Variants in GNAQ observed in about 807,000 individuals in gnomAD.
GNAQ encodes guanine nucleotide-binding protein G(q) subunit alpha.
Under a neutral mutation model 43.9 loss-of-function variants are expected in GNAQ, and 8 were observed. The ratio of observed to expected loss-of-function variants is 0.18; its 90% CI spans 0.11 to 0.33. The LOEUF (loss-of-function observed/expected upper bound fraction) is 0.33, where lower values mean the gene tolerates loss of function less well. Among genes scored for constraint, GNAQ ranks in the 10% least tolerant of loss-of-function variants. The pLI is 1.00. For synonymous variants in GNAQ, 155 were observed against 170.7 expected (o/e 0.91, Z 0.71); for missense variants, 158 against 450.8 (o/e 0.35, Z 5.88).
chr9:77,925,986 T>C (rs1225039283), intron 1 of GNAQ, among the ~76,000 whole-genome samples: 1 of 152,232 alleles, frequency 6.6e-6, no homozygotes, highest in East Asian at 1.9e-4. Flanking sequence ...TACTGTATTG[T>C]CATTTGTATT....
chr9:77,962,892 C>CAAAAAA (rs538653191), intron 1 of GNAQ, among the ~76,000 whole-genome samples: 1 of 55,238 alleles, frequency 1.8e-5, no homozygotes, highest in Non-Finnish European at 3.7e-5. Context: ...AACTTAGTCT[C>CAAAAAA]AAAAAAAAAA....
At chr9:77,747,316 C>T (rs1376052193) in intron 5 of GNAQ, among the ~76,000 whole-genome samples, 1 of 152,104 alleles carries the variant, frequency 6.6e-6, no homozygotes, top group East Asian at 1.9e-4. Context: ...GGGAGTGACT[C>T]ATGGTGCAGA....
intron 3 of GNAQ, among the ~76,000 whole-genome samples, chr9:77,805,687 A>G (rs928912075): frequency 6.6e-6 from 1 of 152,198 alleles, no homozygotes; most frequent in African/African-American, 2.4e-5. Context: ...TACAGGCATG[A>G]GCCACCGCAC....
intron 2 of GNAQ, among the ~76,000 whole-genome samples, chr9:77,835,984 G>T (rs1385907377): frequency 6.6e-6 from 1 of 152,062 alleles, no homozygotes; most frequent in Admixed American, 6.6e-5. Flanking sequence ...CTAGTAAGAT[G>T]ATTTTAAGAT....
In GNAQ at chr9:77,793,268, T is replaced by C. The variant is rs1016241123; in HGVS notation, c.735+1195A>G. Among the ~76,000 whole-genome samples the C allele has an allele frequency of 7.9e-5, 12 of 152,246 alleles. 1 individual carries two copies. Among genetic ancestry groups the C allele is most frequent in the Middle Eastern group, 3.4e-3 (1 of 294 alleles). On this transcript the variant is annotated intron_variant, in intron 5 of 6. Coordinates refer to ENST00000286548, the MANE Select transcript of GNAQ (RefSeq NM_002072.5). The stretch of plus-strand genomic sequence containing the variant: ...CTTTAGAGTTATTGGGGGCAACTGA[T>C]TGATAAACAAGCCTCATTCTTAAAC...
intron 1 of GNAQ, among the ~76,000 whole-genome samples, chr9:77,957,295 G>A (rs1309174418): frequency 6.6e-6 from 1 of 152,052 alleles, no homozygotes; most frequent in African/African-American, 2.4e-5. Flanking sequence ...GGTGGAAGTT[G>A]CAGTGAGCTG....
chr9:77,765,154 A>G (rs1210382927), intron 5 of GNAQ, among the ~76,000 whole-genome samples: 1 of 152,136 alleles, frequency 6.6e-6, no homozygotes, highest in Non-Finnish European at 1.5e-5. Context: ...GCTGTAAAGA[A>G]CTTATTTAAA....
chr9:77,936,843 CT>C (rs1829240004), intron 1 of GNAQ, among the ~76,000 whole-genome samples: 1 of 151,936 alleles, frequency 6.6e-6, no homozygotes, highest in Non-Finnish European at 1.5e-5. Flanking sequence ...TCACCATCAA[CT>C]TTTTTTTAGA....
At chr9:77,865,462 A>T (rs1827932544) in intron 2 of GNAQ, among the ~76,000 whole-genome samples, 1 of 152,222 alleles carries the variant, frequency 6.6e-6, no homozygotes, top group African/African-American at 2.4e-5. Context: ...TTGTCAGATA[A>T]ATGTTATTTC....
At chr9:77,999,036 G>C (rs960975678) in intron 1 of GNAQ, among the ~76,000 whole-genome samples, 1 of 132,984 alleles carries the variant, frequency 7.5e-6, no homozygotes, top group Non-Finnish European at 1.5e-5. Flanking sequence ...AGGTTGCAGA[G>C]AGCCGAGATC....
At chr9:77,759,247 A>G (rs1422224884) in intron 5 of GNAQ, among the ~76,000 whole-genome samples, 1 of 152,202 alleles carries the variant, frequency 6.6e-6, no homozygotes, top group Non-Finnish European at 1.5e-5. Flanking sequence ...ACCCAATGCA[A>G]AAATAACGTT....
intron 1 of GNAQ, among the ~76,000 whole-genome samples, chr9:77,931,141 C>T (rs1229954192): frequency 6.7e-6 from 1 of 149,098 alleles, no homozygotes; most frequent in East Asian, 2.0e-4. Flanking sequence ...GAAGAGGGAA[C>T]AGAATGAATG....
chr9:77,830,225 T>A (rs1373440366), intron 2 of GNAQ, among the ~76,000 whole-genome samples: 1 of 152,196 alleles, frequency 6.6e-6, no homozygotes, highest in African/African-American at 2.4e-5. Flanking sequence ...AGTGCTGGGA[T>A]TACAGGTGTG....
rs575959753 is a variant in GNAQ, at chr9:78,004,988, A to G, written c.136+26112T>C. Among the ~76,000 whole-genome samples the G allele has an allele frequency of 7.2e-5, 11 of 152,206 alleles. No individual in the cohort carries two copies. The East Asian group carries it at 1.9e-3, about 27-fold the overall frequency. On this transcript the variant is annotated intron_variant, in intron 1 of 6. Coordinates refer to ENST00000286548, the MANE Select transcript of GNAQ (RefSeq NM_002072.5). Reference sequence around the variant, plus strand: ...AGATAAACTTGACTGACAGATAAACATATCTGGCCTTTATTTCACAATGAA... The same window carrying G: ...AGATAAACTTGACTGACAGATAAACGTATCTGGCCTTTATTTCACAATGAA...
intron 1 of GNAQ, among the ~76,000 whole-genome samples, chr9:77,965,224 A>T (rs1408281538): frequency 6.6e-6 from 1 of 152,118 alleles, no homozygotes; most frequent in Admixed American, 6.6e-5. Flanking sequence ...CAACACCCAT[A>T]ATTATATAAA....
At chr9:77,951,893 C>G (rs1037792313) in intron 1 of GNAQ, among the ~76,000 whole-genome samples, 1 of 152,212 alleles carries the variant, frequency 6.6e-6, no homozygotes, top group Non-Finnish European at 1.5e-5. Context: ...GTGCATGTGA[C>G]GCAAAGCAGG....
At position 77,717,256 on chromosome 9, in the gene GNAQ, A is replaced by G. The variant is rs560153045; in HGVS notation, c.*4067T>C. The G allele has an allele frequency of 4.3e-6, 1 of 232,470 alleles. No individual in the cohort carries two copies. Among genetic ancestry groups the G allele is most frequent in the South Asian group, 1.8e-4 (1 of 5,516 alleles). The allele number at this position is 232,470 out of a possible 1,614,324, so 14.4% of individuals were successfully genotyped here. Reference sequence around the variant, plus strand: ...TGTATACCAAGCACACCTTATTTGTATCAATTGAGATGTTGATTACCAATT... The same window carrying G: ...TGTATACCAAGCACACCTTATTTGTGTCAATTGAGATGTTGATTACCAATT... On this transcript the variant is annotated 3_prime_UTR_variant, in exon 7 of 7. Coordinates refer to ENST00000286548, the MANE Select transcript of GNAQ (RefSeq NM_002072.5).
intron 2 of GNAQ, among the ~76,000 whole-genome samples, chr9:77,895,268 T>A (rs1458307956): frequency 6.6e-6 from 1 of 151,708 alleles, no homozygotes; most frequent in Non-Finnish European, 1.5e-5. Context: ...TTGCTTCACA[T>A]GTGTTAGTTC....
intron 6 of GNAQ, among the ~76,000 whole-genome samples, chr9:77,722,763 C>T (rs941909345): frequency 1.3e-5 from 2 of 149,036 alleles, no homozygotes; most frequent in Non-Finnish European, 3.0e-5. Flanking sequence ...TTCAAGTGAT[C>T]CTCTTGCCTC....
Sources: gnomAD v4.1 joint callset for allele counts (sites outside exome capture counted in the v4.1 genomes callset) on GRCh38, gnomAD v4.1.1 for gene constraint, MANE v1.5 for transcripts, NCBI Gene and HGNC (gene_info 2026-07-23, HGNC 2026-07-21) for gene names.